VAT1L: variants seen among roughly 807,000 people sequenced by gnomAD.
VAT1L encodes putative NADPH-dependent quinone oxidoreductase VAT1L.
In VAT1L, 34 loss-of-function variants were observed where a neutral mutation model predicts 44.1. The ratio of observed to expected loss-of-function variants is 0.77; its 90% CI spans 0.59 to 1.03. The LOEUF (loss-of-function observed/expected upper bound fraction) is 1.03. VAT1L is among the 50% of genes least tolerant of loss of function. The pLI is 0.00. For synonymous variants in VAT1L, 253 were observed against 202.2 expected (o/e 1.25, Z -2.13); for missense variants, 615 against 538.8 (o/e 1.14, Z -1.40).
chr16:77,944,728 T>C (rs2017937881), intron 7 of VAT1L, among the ~76,000 whole-genome samples: 1 of 152,212 alleles, frequency 6.6e-6, no homozygotes, highest in African/African-American at 2.4e-5. Context: ...AGAGCTCAAA[T>C]AGATATTTTC....
At chr16:77,824,189 G>A (rs889342815) in intron 2 of VAT1L, among the ~76,000 whole-genome samples, 2 of 152,154 alleles carry the variant, frequency 1.3e-5, no homozygotes, top group Non-Finnish European at 2.9e-5. Context: ...GAATGAAGGA[G>A]GGCTCTGCAT....
At chr16:77,976,481 G>C (rs2018341280) in intron 8 of VAT1L, among the ~76,000 whole-genome samples, 1 of 152,174 alleles carries the variant, frequency 6.6e-6, no homozygotes, top group African/African-American at 2.4e-5. Flanking sequence ...CTTCAGGTGA[G>C]ACAACATGGG....
chr16:77,862,480 G>T (rs1265338512), intron 3 of VAT1L, among the ~76,000 whole-genome samples: 2 of 152,010 alleles, frequency 1.3e-5, no homozygotes. Context: ...ACCGGGCATG[G>T]CAGCATGTGC....
chr16:77,832,974 A>C (rs1395744730), intron 3 of VAT1L, among the ~76,000 whole-genome samples: 1 of 152,216 alleles, frequency 6.6e-6, no homozygotes, highest in East Asian at 1.9e-4. Context: ...CCGCAGGAGT[A>C]TATTTTGTTG....
At chr16:77,825,498 C>A in intron 3 of VAT1L, 37 bp downstream of exon 3, 9 of 1,550,026 alleles carry the variant, frequency 5.8e-6, no homozygotes, top group South Asian at 1.2e-5. Context: ...TCTTTAAGGT[C>A]ATGATGGTGG....
At chr16:77,817,318 A>G (rs909219275) in intron 2 of VAT1L, among the ~76,000 whole-genome samples, 1 of 152,174 alleles carries the variant, frequency 6.6e-6, no homozygotes, top group African/African-American at 2.4e-5. Flanking sequence ...ATTCAACAAA[A>G]GTATTTGGCA....
intron 7 of VAT1L, among the ~76,000 whole-genome samples, chr16:77,935,725 C>G (rs1269011137): frequency 6.6e-6 from 1 of 152,088 alleles, no homozygotes; most frequent in African/African-American, 2.4e-5. Context: ...GCACAGTAGA[C>G]CAGCACTGGC....
chr16:77,901,176 T>A (rs2017378553), intron 7 of VAT1L, among the ~76,000 whole-genome samples: 1 of 74,622 alleles, frequency 1.3e-5, no homozygotes, highest in Admixed American at 1.5e-4. Flanking sequence ...TTTTTTTTTT[T>A]TTTTTTTAAG....
intron 3 of VAT1L, among the ~76,000 whole-genome samples, chr16:77,841,102 G>T (rs2016699879): frequency 6.6e-6 from 1 of 152,074 alleles, no homozygotes; most frequent in African/African-American, 2.4e-5. Flanking sequence ...TTTGTTTGAG[G>T]CAGAGTCTTG....
Position 77,932,531 on chromosome 16 carries a change from A to C in VAT1L, c.1078-39319A>C, listed in dbSNP as rs182409722. Among the ~76,000 whole-genome samples, 1,166 of 152,316 alleles carry C rather than the reference A, an allele frequency of 7.7e-3. 11 individuals carry two copies. Among genetic ancestry groups the C allele is most frequent in the Non-Finnish European group, 0.011 (720 of 68,032 alleles). ...TTTGACTGTGGAAACTCTTTTCTTC[A>C]TATCTCACTGAATACAAGTTCACAA... is the stretch of plus-strand genomic sequence containing the variant. On this transcript the variant is annotated intron_variant, in intron 7 of 8. Coordinates refer to ENST00000302536, the MANE Select transcript of VAT1L (RefSeq NM_020927.3).
intron 1 of VAT1L, among the ~76,000 whole-genome samples, chr16:77,795,561 T>C (rs2015914356): frequency 6.6e-6 from 1 of 152,074 alleles, no homozygotes; most frequent in East Asian, 1.9e-4. Flanking sequence ...GAATTAAAAA[T>C]AACCTGGGAT....
In VAT1L at chr16:77,943,466, C is replaced by G. The variant is rs568267072; in HGVS notation, c.1078-28384C>G. Among the ~76,000 whole-genome samples, 373 of 148,272 alleles carry G rather than the reference C, an allele frequency of 2.5e-3. 3 individuals carry two copies. The highest frequency in any genetic ancestry group is 8.7e-3 in the African/African-American group (347 of 40,106). On this transcript the variant is annotated intron_variant, in intron 7 of 8. Transcript: ENST00000302536. ...CCGGGCTGGAGTGCAGCGGCACCAT[C>G]ACGGCTCACTGCAAGCTCCACCTCC...
intron 8 of VAT1L, 122 bp downstream of exon 8, chr16:77,972,055 AG>A: frequency 1.2e-6 from 1 of 833,032 alleles, no homozygotes; most frequent in South Asian, 1.9e-5. Context: ...GGAGGAGACC[AG>A]GGGTAATCAA....
chr16:77,894,238 A>G (rs1332140180), intron 7 of VAT1L, among the ~76,000 whole-genome samples: 1 of 152,240 alleles, frequency 6.6e-6, no homozygotes, highest in Non-Finnish European at 1.5e-5. Context: ...GCAGCAGTAA[A>G]GGAACCACCA....
chr16:77,933,273 T>C (rs543565451), intron 7 of VAT1L, among the ~76,000 whole-genome samples: 1 of 152,348 alleles, frequency 6.6e-6, no homozygotes, highest in Non-Finnish European at 1.5e-5. Context: ...TAGAGTAACT[T>C]GTCCAAGGTT....
At chr16:77,969,398 G>C (rs2018255996) in intron 7 of VAT1L, among the ~76,000 whole-genome samples, 2 of 151,874 alleles carry the variant, frequency 1.3e-5, no homozygotes, top group African/African-American at 4.8e-5. Context: ...AATGGGGAAG[G>C]GTCTGCTTCC....
chr16:77,905,822 A>T (rs552923367), intron 7 of VAT1L, among the ~76,000 whole-genome samples: 1 of 152,208 alleles, frequency 6.6e-6, no homozygotes, highest in Non-Finnish European at 1.5e-5. Flanking sequence ...GGTTCTAAAA[A>T]ATAGTCACTA....
chr16:77,915,190 C>A (rs1216539240), intron 7 of VAT1L, among the ~76,000 whole-genome samples: 1 of 151,878 alleles, frequency 6.6e-6, no homozygotes, highest in Non-Finnish European at 1.5e-5. Flanking sequence ...TGAATCGTAA[C>A]CATAGATTGG....
At chr16:77,795,997 T>C (rs1436143310) in intron 1 of VAT1L, among the ~76,000 whole-genome samples, 2 of 151,928 alleles carry the variant, frequency 1.3e-5, no homozygotes, top group Non-Finnish European at 2.9e-5. Context: ...AGCTAGTTTT[T>C]ATATTTTTAG....
Sources: gnomAD v4.1 joint callset for allele counts (sites outside exome capture counted in the v4.1 genomes callset) on GRCh38, gnomAD v4.1.1 for gene constraint, MANE v1.5 for transcripts, NCBI Gene and HGNC (gene_info 2026-07-23, HGNC 2026-07-21) for gene names.